Variants in ZFAND3 observed in about 807,000 individuals in gnomAD.
The protein encoded by ZFAND3 is AN1-type zinc finger protein 3.
ZFAND3 carries 10 observed loss-of-function variants against 29.6 expected under a neutral mutation model. That is an observed-to-expected ratio of 0.34 (90% confidence interval 0.21 to 0.57). ZFAND3 has a LOEUF of 0.57. ZFAND3 is among the 20% of genes least tolerant of loss of function. The pLI, the probability that ZFAND3 is intolerant of heterozygous loss-of-function variation, is 0.86. For synonymous variants in ZFAND3, 128 were observed against 112.6 expected (o/e 1.14, Z -0.87); for missense variants, 230 against 304.5 (o/e 0.76, Z 1.82).
At chr6:37,958,849 C>T (rs764465830) in intron 2 of ZFAND3, among the ~76,000 whole-genome samples, 11 of 152,100 alleles carry the variant, frequency 7.2e-5, no homozygotes, top group Admixed American at 1.3e-4. Context: ...AATTTCTCCC[C>T]AAACCTTGCT....
chr6:37,896,668 G>GTGTGTGTGTGTGTC (rs1561926121), intron 1 of ZFAND3, among the ~76,000 whole-genome samples: 1 of 134,072 alleles, frequency 7.5e-6, no homozygotes, highest in Non-Finnish European at 1.7e-5. Context: ...CTTCTGTTTT[G>GTGTGTGTGTGTGTC]TGTGTGTGTG....
intron 2 of ZFAND3, among the ~76,000 whole-genome samples, chr6:37,980,149 T>G (rs557752923): frequency 4.8e-4 from 61 of 126,046 alleles, no homozygotes; most frequent in African/African-American, 1.6e-3. Flanking sequence ...TTCCCATCTC[T>G]CAGAGGTCAC....
intron 2 of ZFAND3, among the ~76,000 whole-genome samples, chr6:37,933,253 T>A (rs1025064510): frequency 6.6e-6 from 1 of 152,272 alleles, no homozygotes; most frequent in African/African-American, 2.4e-5. Flanking sequence ...TTTTCAAGAT[T>A]CCTTTTCAAA....
chr6:38,060,298 A>C (rs1288800389), intron 2 of ZFAND3, among the ~76,000 whole-genome samples: 2 of 152,062 alleles, frequency 1.3e-5, no homozygotes, highest in Non-Finnish European at 2.9e-5. Flanking sequence ...ACCTCTAATA[A>C]TACTTTTGAC....
intron 2 of ZFAND3, among the ~76,000 whole-genome samples, chr6:37,956,506 A>AT (rs1554162372): frequency 1.3e-5 from 2 of 152,046 alleles, no homozygotes; most frequent in Non-Finnish European, 2.9e-5. Context: ...AGTGACATAG[A>AT]TTATAGAAAG....
chr6:38,009,711 A>G (rs766179006), intron 2 of ZFAND3, among the ~76,000 whole-genome samples: 16 of 152,218 alleles, frequency 1.1e-4, no homozygotes, highest in African/African-American at 1.4e-4. Context: ...TTAAACTCCA[A>G]TAGAAATACA....
At chr6:38,085,664 T>C (rs1440332149) in intron 4 of ZFAND3, among the ~76,000 whole-genome samples, 2 of 152,186 alleles carry the variant, frequency 1.3e-5, no homozygotes, top group African/African-American at 4.8e-5. Context: ...GGTCTCAAAC[T>C]CTTGAGCTCA....
chr6:37,826,774 A>G (rs1763768396), intron 1 of ZFAND3, among the ~76,000 whole-genome samples: 1 of 152,010 alleles, frequency 6.6e-6, no homozygotes, highest in Non-Finnish European at 1.5e-5. Flanking sequence ...AAAAGTGTCT[A>G]ATAATCAGAA....
intron 1 of ZFAND3, among the ~76,000 whole-genome samples, chr6:37,929,053 G>T (rs1202089952): frequency 6.6e-6 from 1 of 152,112 alleles, no homozygotes; most frequent in African/African-American, 2.4e-5. Context: ...TAATGCCTTG[G>T]CAGAGGAAGG....
At chr6:38,059,659 C>G (rs1764197258) in intron 2 of ZFAND3, among the ~76,000 whole-genome samples, 1 of 152,138 alleles carries the variant, frequency 6.6e-6, no homozygotes, top group African/African-American at 2.4e-5. Context: ...GGGCAGATCA[C>G]CTGAGGCCAG....
intron 2 of ZFAND3, among the ~76,000 whole-genome samples, chr6:37,969,968 C>A (rs544050531): frequency 6.6e-6 from 1 of 152,032 alleles, no homozygotes; most frequent in Non-Finnish European, 1.5e-5. Context: ...GAGTTTGAGA[C>A]CAGCCTGGCC....
At chr6:37,862,874 A>G (rs1190538951) in intron 1 of ZFAND3, among the ~76,000 whole-genome samples, 1 of 152,112 alleles carries the variant, frequency 6.6e-6, no homozygotes, top group Non-Finnish European at 1.5e-5. Flanking sequence ...TTCCAGGGAA[A>G]ATATTTGGGC....
intron 3 of ZFAND3, among the ~76,000 whole-genome samples, chr6:38,076,309 A>G (rs1341654438): frequency 6.6e-5 from 10 of 152,174 alleles, no homozygotes; most frequent in Non-Finnish European, 1.5e-4. Context: ...TATAACTTTT[A>G]TATTCATTGA....
At chr6:38,086,152 GA>G (rs1367954010) in intron 4 of ZFAND3, among the ~76,000 whole-genome samples, 1 of 152,130 alleles carries the variant, frequency 6.6e-6, no homozygotes, top group Non-Finnish European at 1.5e-5. Context: ...AGTAGCAAAT[GA>G]AAGATCAGTT....
At chr6:37,838,296 T>TA (rs1186622912) in intron 1 of ZFAND3, among the ~76,000 whole-genome samples, 1 of 152,202 alleles carries the variant, frequency 6.6e-6, no homozygotes, top group Non-Finnish European at 1.5e-5. Context: ...TTGCTTAATT[T>TA]AAAAAATATT....
chr6:37,990,837 C>T (rs2127435486), intron 2 of ZFAND3, among the ~76,000 whole-genome samples: 1 of 152,282 alleles, frequency 6.6e-6, no homozygotes, highest in South Asian at 2.1e-4. Context: ...CAGCACTCTT[C>T]CTCACCCTTT....
chr6:38,068,511 T>C (rs759402443), intron 3 of ZFAND3, among the ~76,000 whole-genome samples: 13 of 152,196 alleles, frequency 8.5e-5, no homozygotes, highest in Non-Finnish European at 1.5e-4. Flanking sequence ...CCTAGAATCA[T>C]CTTGACAGTG....
In ZFAND3 at chr6:38,144,184, A is replaced by ATATATATT. The variant is rs66561715; in HGVS notation, c.530-8051_530-8050insTATATATT. Among the ~76,000 whole-genome samples the ATATATATT allele has an allele frequency of 5.1e-3, 215 of 42,436 alleles. 2 individuals are homozygous for ATATATATT. The highest frequency in any genetic ancestry group is 8.5e-3 in the Non-Finnish European group (172 of 20,278). The allele number at this position is 42,436 out of a possible 152,430, so 27.8% of individuals were successfully genotyped here. A position where few individuals can be genotyped will look rare whatever the true frequency, so the allele number is the denominator to read the frequency against. On this transcript the variant is annotated intron_variant, in intron 5 of 5. Transcript: ENST00000287218. ...CTAGAAAAATGTGATATATATATAT[A>ATATATATT]ATATATATATATATATATATATATA...
At chr6:37,869,088 T>C (rs1377619964) in intron 1 of ZFAND3, among the ~76,000 whole-genome samples, 1 of 152,258 alleles carries the variant, frequency 6.6e-6, no homozygotes. Context: ...GCCTAAGTTG[T>C]CAGATTTTTT....
Sources: gnomAD v4.1 joint callset for allele counts (sites outside exome capture counted in the v4.1 genomes callset) on GRCh38, gnomAD v4.1.1 for gene constraint, MANE v1.5 for transcripts, NCBI Gene and HGNC (gene_info 2026-07-23, HGNC 2026-07-21) for gene names.